Variants in TASP1 observed in about 807,000 individuals in gnomAD.
TASP1 encodes threonine aspartase 1.
In TASP1, 16 loss-of-function variants were observed where a neutral mutation model predicts 56.6. The ratio of observed to expected loss-of-function variants is 0.28; its 90% CI spans 0.19 to 0.43. The LOEUF is 0.43. Among genes scored for constraint, TASP1 ranks in the 20% least tolerant of loss-of-function variants. TASP1 has a pLI of 1.00. For missense variants in TASP1, 393 were observed against 511.6 expected, an observed-to-expected ratio of 0.77 and a Z score of 2.24; for synonymous variants, 179 against 184.2, an observed-to-expected ratio of 0.97 and a Z score of 0.23.
At chr20:13,476,806 A>G (rs532341445) in intron 11 of TASP1, among the ~76,000 whole-genome samples, 1 of 152,280 alleles carries the variant, frequency 6.6e-6, no homozygotes, top group African/African-American at 2.4e-5. Flanking sequence ...TGGACATGTG[A>G]GTATAACCAG....
the TASP1 span, among the ~76,000 whole-genome samples, chr20:13,123,293 T>C: frequency 6.6e-6 from 1 of 151,032 alleles, no homozygotes; most frequent in African/African-American, 2.5e-5. Context: ...GTCATGCCAC[T>C]GCACTCCAGC....
At chr20:13,563,816 T>C (rs566474325) in intron 7 of TASP1, among the ~76,000 whole-genome samples, 1 of 152,108 alleles carries the variant, frequency 6.6e-6, no homozygotes, top group South Asian at 2.1e-4. Context: ...GATCATAAAT[T>C]GATGCACAAA....
intron 4 of TASP1, among the ~76,000 whole-genome samples, chr20:13,600,293 G>A (rs1484952838): frequency 6.6e-6 from 1 of 152,100 alleles, no homozygotes; most frequent in East Asian, 1.9e-4. Flanking sequence ...AAATGCAAAG[G>A]AACTAGAATA....
the TASP1 span, among the ~76,000 whole-genome samples, chr20:13,114,078 T>C: frequency 6.6e-6 from 1 of 152,166 alleles, no homozygotes; most frequent in Non-Finnish European, 1.5e-5. Flanking sequence ...GGACAAAGGC[T>C]CAATGTAAAT....
intron 8 of TASP1, among the ~76,000 whole-genome samples, chr20:13,540,785 G>A (rs1166226843): frequency 6.6e-6 from 1 of 152,048 alleles, no homozygotes; most frequent in Non-Finnish European, 1.5e-5. Context: ...TTTGATAGGA[G>A]TATTGGTTAC....
the TASP1 span, chr20:13,117,622 G>T: frequency 6.2e-7 from 1 of 1,614,100 alleles, no homozygotes; most frequent in Non-Finnish European, 8.5e-7. Flanking sequence ...ACCGGCCGGG[G>T]TGTCACGGAG....
At chr20:13,433,782 AAATTTATAGG>A (rs2042900199) in intron 12 of TASP1, among the ~76,000 whole-genome samples, 2 of 151,542 alleles carry the variant, frequency 1.3e-5, no homozygotes, top group Admixed American at 1.3e-4. Flanking sequence ...TTCTGTAAGG[AAATTTATAGG>A]AAGGGTTAAA....
At chr20:13,397,848 G>A (rs1329686101) in intron 13 of TASP1, among the ~76,000 whole-genome samples, 3 of 152,042 alleles carry the variant, frequency 2.0e-5, no homozygotes, top group East Asian at 1.9e-4. Flanking sequence ...GACATTCTAC[G>A]GAGTTTTACT....
At chr20:13,197,442 G>A in the TASP1 span, among the ~76,000 whole-genome samples, 1 of 152,126 alleles carries the variant, frequency 6.6e-6, no homozygotes, top group Non-Finnish European at 1.5e-5. Flanking sequence ...TCTAATTGCT[G>A]GCCTCTGAAT....
the TASP1 span, among the ~76,000 whole-genome samples, chr20:13,323,238 A>T: frequency 2.6e-5 from 4 of 152,188 alleles, no homozygotes; most frequent in Non-Finnish European, 5.9e-5. Flanking sequence ...CAGGAGAAAC[A>T]CATTGAAGAA....
the TASP1 span, among the ~76,000 whole-genome samples, chr20:13,226,414 A>T: frequency 2.5e-3 from 372 of 148,608 alleles, 4 homozygotes; most frequent in African/African-American, 8.1e-3. Context: ...TTTTACTGGA[A>T]TTTTTTTTTT....
chr20:13,453,141 G>C (rs1250715973), intron 11 of TASP1, among the ~76,000 whole-genome samples: 2 of 152,076 alleles, frequency 1.3e-5, no homozygotes, highest in African/African-American at 2.4e-5. Flanking sequence ...TAGATCTATG[G>C]AGGAGGAGAA....
the TASP1 span, chr20:13,221,909 C>T: frequency 7.4e-7 from 1 of 1,356,938 alleles, no homozygotes; most frequent in Non-Finnish European, 9.4e-7. Flanking sequence ...CCAAGCCCAG[C>T]TGCAGGTGAG....
intron 8 of TASP1, among the ~76,000 whole-genome samples, chr20:13,552,563 A>T (rs1238120653): frequency 2.0e-5 from 3 of 152,192 alleles, no homozygotes; most frequent in African/African-American, 7.2e-5. Flanking sequence ...TGGAGTTGGG[A>T]CAAAAAGGAT....
intron 4 of TASP1, among the ~76,000 whole-genome samples, chr20:13,606,895 A>C (rs1469219534): frequency 6.6e-6 from 1 of 152,132 alleles, no homozygotes; most frequent in East Asian, 1.9e-4. Flanking sequence ...GTAGGTAATC[A>C]ATAAGTATTT....
intron 13 of TASP1, among the ~76,000 whole-genome samples, chr20:13,413,463 A>T (rs2042156379): frequency 6.6e-6 from 1 of 152,200 alleles, no homozygotes; most frequent in Admixed American, 6.5e-5. Context: ...AGTCTCTCTT[A>T]GATCCCACTG....
chr20:13,259,997 G>C, the TASP1 span, among the ~76,000 whole-genome samples: 2 of 152,188 alleles, frequency 1.3e-5, no homozygotes, highest in Non-Finnish European at 2.9e-5. Context: ...TCCATGAATA[G>C]AGCTAACAGC....
chr20:13,278,072 G>T, the TASP1 span, among the ~76,000 whole-genome samples: 8 of 152,170 alleles, frequency 5.3e-5, no homozygotes, highest in African/African-American at 1.9e-4. Flanking sequence ...GTACATCTTG[G>T]GTTGATTACT....
chr20:13,146,117 C>A, the TASP1 span, among the ~76,000 whole-genome samples: 3 of 152,188 alleles, frequency 2.0e-5, no homozygotes, highest in African/African-American at 7.2e-5. Context: ...AAGATCATGT[C>A]TTTTGCAGGA....
Sources: gnomAD v4.1 joint callset for allele counts (sites outside exome capture counted in the v4.1 genomes callset) on GRCh38, gnomAD v4.1.1 for gene constraint, MANE v1.5 for transcripts, NCBI Gene and HGNC (gene_info 2026-07-23, HGNC 2026-07-21) for gene names.